VPS41: variants seen among roughly 807,000 people sequenced by gnomAD.
VPS41 encodes vacuolar protein sorting-associated protein 41 homolog.
Under a neutral mutation model 130.9 loss-of-function variants are expected in VPS41, and 85 were observed. The observed-to-expected ratio is 0.65, with a 90% CI of 0.55 to 0.78. The LOEUF is 0.78. VPS41 is among the 30% of genes least tolerant of loss of function. The probability of loss-of-function intolerance (pLI) is 0.00; values close to 1 mark genes in which losing one functional copy is unlikely to be tolerated. For synonymous variants in VPS41, 335 were observed against 332.9 expected (o/e 1.01, Z -0.07); for missense variants, 874 against 1,018.7 (o/e 0.86, Z 1.93).
At chr7:38,802,817 G>GA (rs928701350) in intron 7 of VPS41, among the ~76,000 whole-genome samples, 16 of 152,152 alleles carry the variant, frequency 1.1e-4, no homozygotes, top group African/African-American at 2.6e-4. Flanking sequence ...GTAAGCCATT[G>GA]AAAAAAACTA....
intron 2 of VPS41, among the ~76,000 whole-genome samples, chr7:38,889,065 T>C (rs1326143995): frequency 6.6e-6 from 1 of 150,838 alleles, no homozygotes; most frequent in Admixed American, 6.6e-5. Context: ...TGTAACAAAA[T>C]TGCATGTTCT....
intron 14 of VPS41, 127 bp downstream of exon 14, chr7:38,771,071 T>A (rs1784143961): frequency 1.4e-6 from 1 of 714,742 alleles, no homozygotes; most frequent in Admixed American, 2.8e-5. Context: ...ATCTCATAGG[T>A]TAGGGAATTA....
chr7:38,745,981 C>G (rs1795977863), intron 22 of VPS41: 1 of 191,104 alleles, frequency 5.2e-6, no homozygotes, highest in African/African-American at 2.4e-5. Flanking sequence ...TGTTTAAGCT[C>G]TGTTTCCCTC....
intron 4 of VPS41, among the ~76,000 whole-genome samples, chr7:38,845,233 G>A (rs1785698103): frequency 6.6e-6 from 1 of 152,138 alleles, no homozygotes; most frequent in East Asian, 1.9e-4. Context: ...CACAATCTGG[G>A]AAATGTTCAA....
chr7:38,877,562 T>C (rs143023961), intron 2 of VPS41, among the ~76,000 whole-genome samples: 1,596 of 152,298 alleles, frequency 0.01, 8 homozygotes, highest in Non-Finnish European at 0.014. Flanking sequence ...CTGAAGCTCT[T>C]CAAATTATTT....
In VPS41 at chr7:38,776,216, T is replaced by C. The variant is rs183917148; in HGVS notation, c.882+463A>G. 7.0e-3 allele frequency among the ~76,000 whole-genome samples: 1,069 copies of C among 152,328 alleles called. 3 individuals carry two copies. Among genetic ancestry groups the C allele is most frequent in the Non-Finnish European group, 0.011 (741 of 68,036 alleles). ...TTCACAACAATCCATTTCAAAGCCATAATCAAGCTACTTAGAATCACCAGC... is the reference window on the plus strand; with the variant it reads ...TTCACAACAATCCATTTCAAAGCCACAATCAAGCTACTTAGAATCACCAGC... On this transcript the variant is annotated intron_variant, in intron 11 of 28. Transcript: ENST00000310301.
intron 4 of VPS41, among the ~76,000 whole-genome samples, chr7:38,841,534 G>T (rs1444329011): frequency 6.6e-6 from 1 of 152,160 alleles, no homozygotes; most frequent in African/African-American, 2.4e-5. Context: ...TGGCTTTCTG[G>T]CACCTGAAAC....
intron 10 of VPS41, 94 bp downstream of exon 10, chr7:38,789,707 A>T: frequency 7.9e-7 from 1 of 1,261,478 alleles, no homozygotes; most frequent in Non-Finnish European, 1.2e-6. Context: ...GCAGGGATCC[A>T]GGCAAAAGAC....
chr7:38,843,262 C>T (rs1486601328), intron 4 of VPS41, among the ~76,000 whole-genome samples: 4 of 152,154 alleles, frequency 2.6e-5, no homozygotes, highest in Non-Finnish European at 4.4e-5. Context: ...ATTCAAGTAG[C>T]TGATGAAGAG....
At chr7:38,778,516 A>G (rs1265337232) in intron 10 of VPS41, among the ~76,000 whole-genome samples, 1 of 152,206 alleles carries the variant, frequency 6.6e-6, no homozygotes, top group Non-Finnish European at 1.5e-5. Context: ...CACATTTTAG[A>G]AGACATATTA....
intron 7 of VPS41, among the ~76,000 whole-genome samples, chr7:38,807,670 A>G (rs1215501110): frequency 6.6e-6 from 1 of 152,210 alleles, no homozygotes; most frequent in African/African-American, 2.4e-5. Context: ...GCAGATTCAA[A>G]CCAAATACTC....
intron 12 of VPS41, 88 bp from the exon 13 acceptor site, chr7:38,772,725 AC>A: frequency 1.3e-6 from 1 of 769,750 alleles, no homozygotes; most frequent in Non-Finnish European, 2.2e-6. Flanking sequence ...AGGTTACCCA[AC>A]CCAAGAGCGA....
intron 9 of VPS41, among the ~76,000 whole-genome samples, chr7:38,793,990 T>A (rs985706751): frequency 1.3e-5 from 2 of 152,184 alleles, no homozygotes; most frequent in African/African-American, 2.4e-5. Context: ...TAAAGAAACA[T>A]TTATAGGTTC....
intron 10 of VPS41, among the ~76,000 whole-genome samples, chr7:38,779,490 C>T (rs970712143): frequency 3.3e-5 from 5 of 152,142 alleles, no homozygotes; most frequent in African/African-American, 9.7e-5. Flanking sequence ...AATTCATCTC[C>T]ATTAATACCC....
In VPS41 at chr7:38,725,148, A is replaced by G. The variant is rs1795513567; in HGVS notation, c.*1098T>C. 6.6e-6 allele frequency: 1 copy of G among 152,238 alleles called. No homozygotes were observed. Among genetic ancestry groups the G allele is most frequent in the Non-Finnish European group, 1.5e-5 (1 of 68,062 alleles). The allele number at this position is 152,238 out of a possible 1,614,324, so 9.4% of individuals were successfully genotyped here. On this transcript the variant is annotated 3_prime_UTR_variant, in exon 29 of 29. Transcript: ENST00000310301. ...CAAAAAGAAAGAAGCAGAAAGCTGT[A>G]TTTGTTCCCATTTATGGGACTAAGA...
At chr7:38,897,542 G>C (rs1428899018) in intron 2 of VPS41, among the ~76,000 whole-genome samples, 2 of 151,810 alleles carry the variant, frequency 1.3e-5, no homozygotes, top group Admixed American at 1.3e-4. Flanking sequence ...TTACTCAGGA[G>C]GCTGAGGCAG....
chr7:38,853,541 A>G (rs1785911995), intron 4 of VPS41, among the ~76,000 whole-genome samples: 1 of 152,076 alleles, frequency 6.6e-6, no homozygotes, highest in Admixed American at 6.5e-5. Context: ...CTGTCTCCCA[A>G]CTGCAAAGGT....
chr7:38,819,959 G>A (rs981700830), intron 6 of VPS41, among the ~76,000 whole-genome samples: 4 of 152,004 alleles, frequency 2.6e-5, no homozygotes, highest in Non-Finnish European at 4.4e-5. Context: ...TAAAACCTCC[G>A]TAACGTCCCC....
chr7:38,848,545 C>T (rs79029567), intron 4 of VPS41, among the ~76,000 whole-genome samples: 1,963 of 152,286 alleles, frequency 0.013, 50 homozygotes, highest in African/African-American at 0.044. Context: ...GGACTCTTAG[C>T]TTGATCCACC....
Sources: allele counts gnomAD v4.1 joint callset (sites outside exome capture counted in the v4.1 genomes callset), GRCh38; gene constraint gnomAD v4.1.1; transcripts MANE v1.5; gene names NCBI Gene and HGNC (gene_info 2026-07-23, HGNC 2026-07-21).